Variants in PLXNA4 observed in about 807,000 individuals in gnomAD.
PLXNA4 encodes the protein plexin-A4.
Under a neutral mutation model 191.8 loss-of-function variants are expected in PLXNA4, and 44 were observed. The ratio of observed to expected loss-of-function variants is 0.23; its 90% CI spans 0.18 to 0.29. PLXNA4 has a LOEUF of 0.29. Ranked by LOEUF, PLXNA4 falls within the 10% of genes least tolerant of loss-of-function variation. The pLI is 1.00. For missense variants in PLXNA4, 1,800 were observed against 2,488.8 expected (o/e 0.72, Z 5.89); for synonymous variants, 1,082 against 1,009.5 (o/e 1.07, Z -1.36).
intron 4 of PLXNA4, among the ~76,000 whole-genome samples, chr7:132,277,878 C>T (rs140881934): frequency 1.2e-4 from 18 of 152,214 alleles, no homozygotes; most frequent in Admixed American, 2.6e-4. Context: ...CCAAAGCAAC[C>T]GTAGACCACA....
At chr7:132,560,776 C>A (rs1255537573) in intron 1 of PLXNA4, among the ~76,000 whole-genome samples, 6 of 152,146 alleles carry the variant, frequency 3.9e-5, no homozygotes, top group African/African-American at 1.4e-4. Context: ...AAGACACCTG[C>A]AGGACAACCC....
At chr7:132,579,713 G>A (rs185320222), upstream of PLXNA4, among the ~76,000 whole-genome samples, 8 of 152,242 alleles carry the variant, frequency 5.3e-5, no homozygotes, top group African/African-American at 1.7e-4. Context: ...GGCAGGTGAG[G>A]GGCCCAGCGA....
chr7:132,582,255 G>T (rs1172263507), upstream of PLXNA4, among the ~76,000 whole-genome samples: 3 of 152,176 alleles, frequency 2.0e-5, no homozygotes, highest in Admixed American at 6.5e-5. Flanking sequence ...TAACAGAAAA[G>T]GCCTCAAGTT....
At chr7:132,385,404 T>A in intron 3 of PLXNA4, 2 of 1,375,432 alleles carry the variant, frequency 1.5e-6, no homozygotes, top group Non-Finnish European at 1.9e-6. Context: ...GTATTACAGT[T>A]CTGAAATACA....
chr7:132,304,802 T>C (rs565549718), intron 3 of PLXNA4, among the ~76,000 whole-genome samples: 12 of 119,296 alleles, frequency 1.0e-4, no homozygotes, highest in African/African-American at 3.5e-4. Context: ...CCCTCCCCCC[T>C]GTCCTCTGCT....
intron 3 of PLXNA4, among the ~76,000 whole-genome samples, chr7:132,393,154 T>C (rs745912413): frequency 6.6e-6 from 1 of 151,952 alleles, no homozygotes; most frequent in African/African-American, 2.4e-5. Context: ...GCCTAGCTCA[T>C]GCTTACCTTC....
intron 3 of PLXNA4, among the ~76,000 whole-genome samples, chr7:132,456,178 T>C (rs2117329470): frequency 6.8e-6 from 1 of 148,030 alleles, no homozygotes; most frequent in African/African-American, 2.5e-5. Flanking sequence ...AGTGGCACAA[T>C]CTCAGCTCAC....
intron 2 of PLXNA4, among the ~76,000 whole-genome samples, chr7:132,602,711 G>A (rs902148146): frequency 2.6e-5 from 4 of 152,148 alleles, no homozygotes; most frequent in South Asian, 2.1e-4. Flanking sequence ...CCATCTTAGC[G>A]AGGGAAGAGA....
intron 2 of PLXNA4, among the ~76,000 whole-genome samples, chr7:132,594,136 T>C (rs565935011): frequency 7.9e-5 from 12 of 152,246 alleles, no homozygotes; most frequent in Non-Finnish European, 1.5e-4. Flanking sequence ...TGTAACCTTT[T>C]GGGAATTAGG....
chr7:132,628,974 CTATT>C (rs1803439093), intron 2 of PLXNA4, among the ~76,000 whole-genome samples: 1 of 152,180 alleles, frequency 6.6e-6, no homozygotes, highest in Non-Finnish European at 1.5e-5. Context: ...CCTTGGCTGT[CTATT>C]TATATTCAAG....
intron 1 of PLXNA4, among the ~76,000 whole-genome samples, chr7:132,526,597 C>T (rs1298862138): frequency 1.3e-5 from 2 of 152,196 alleles, no homozygotes; most frequent in Non-Finnish European, 2.9e-5. Context: ...TTCCTTGCTG[C>T]CTGTAGTGCA....
intron 6 of PLXNA4, 145 bp downstream of exon 6, chr7:132,228,201 G>T (rs1798396561): frequency 1.2e-5 from 12 of 1,036,784 alleles, no homozygotes; most frequent in Middle Eastern, 2.1e-4. Context: ...TTAATTCTTT[G>T]ATATCCTGCA....
intron 2 of PLXNA4, among the ~76,000 whole-genome samples, chr7:132,640,193 T>C (rs1803711168): frequency 6.6e-6 from 1 of 152,344 alleles, no homozygotes; most frequent in Non-Finnish European, 1.5e-5. Context: ...CTGGAGTATC[T>C]ACTGCATGCC....
At chr7:132,549,304 C>T (rs1800449876) in intron 1 of PLXNA4, among the ~76,000 whole-genome samples, 1 of 152,156 alleles carries the variant, frequency 6.6e-6, no homozygotes, top group Non-Finnish European at 1.5e-5. Context: ...GGTAAGGCCC[C>T]TATCATCATC....
chr7:132,498,630 G>A (rs528682027), intron 2 of PLXNA4, among the ~76,000 whole-genome samples: 27 of 152,096 alleles, frequency 1.8e-4, no homozygotes, highest in Non-Finnish European at 2.6e-4. Flanking sequence ...GAAAAAACAC[G>A]GTATATATGG....
intron 30 of PLXNA4, among the ~76,000 whole-genome samples, chr7:132,137,646 G>A (rs1308424169): frequency 6.6e-6 from 1 of 151,872 alleles, no homozygotes; most frequent in Admixed American, 6.5e-5. Flanking sequence ...TCCACAGTGG[G>A]GCTACAAACC....
intron 6 of PLXNA4, 95 bp from the exon 7 acceptor site, chr7:132,227,699 T>A: frequency 1.3e-5 from 19 of 1,418,606 alleles, no homozygotes; most frequent in Non-Finnish European, 1.7e-5. Context: ...GTGAGAGAGA[T>A]CACAGGGAAA....
chr7:132,496,760 A>G (rs1465927211), intron 2 of PLXNA4, among the ~76,000 whole-genome samples: 2 of 152,052 alleles, frequency 1.3e-5, no homozygotes, highest in Non-Finnish European at 2.9e-5. Flanking sequence ...CCCAAAGACA[A>G]TCTATTCCAG....
intron 4 of PLXNA4, among the ~76,000 whole-genome samples, chr7:132,297,631 A>G (rs1801138901): frequency 2.0e-5 from 3 of 152,142 alleles, no homozygotes; most frequent in Admixed American, 6.5e-5. Flanking sequence ...ATCACATCTC[A>G]TCACACAGAC....
Sources: allele counts gnomAD v4.1 joint callset (sites outside exome capture counted in the v4.1 genomes callset), GRCh38; gene constraint gnomAD v4.1.1; transcripts MANE v1.5; gene names NCBI Gene and HGNC (gene_info 2026-07-23, HGNC 2026-07-21).